CPEB1: variants seen among roughly 807,000 people sequenced by gnomAD.
The protein encoded by CPEB1 is cytoplasmic polyadenylation element-binding protein 1.
CPEB1 carries 7 observed loss-of-function variants against 65.8 expected under a neutral mutation model. That is an observed-to-expected ratio of 0.11 (90% confidence interval 0.06 to 0.20). The LOEUF (loss-of-function observed/expected upper bound fraction) is 0.20. CPEB1 is among the 10% of genes least tolerant of loss of function. CPEB1 has a pLI of 1.00. For synonymous variants in CPEB1, 262 were observed against 260.0 expected (o/e 1.01, Z -0.08); for missense variants, 551 against 712.2 (o/e 0.77, Z 2.58).
chr15:82,596,145 G>A (rs575656766), intron 3 of CPEB1, among the ~76,000 whole-genome samples: 2 of 152,252 alleles, frequency 1.3e-5, no homozygotes, highest in East Asian at 3.9e-4. Flanking sequence ...AACAATCACA[G>A]AATCACAATG....
chr15:82,626,568 A>G (rs1386752927), intron 3 of CPEB1, among the ~76,000 whole-genome samples: 1 of 152,244 alleles, frequency 6.6e-6, no homozygotes, highest in Admixed American at 6.5e-5. Context: ...CACCTCTTGG[A>G]AAGAGTCAAC....
At chr15:82,643,905 G>C (rs1177320030) in intron 1 of CPEB1, among the ~76,000 whole-genome samples, 1 of 152,160 alleles carries the variant, frequency 6.6e-6, no homozygotes, top group Non-Finnish European at 1.5e-5. Context: ...GACAAGGTGA[G>C]ATTTAGTAAG....
At chr15:82,576,135 C>A (rs1429787428) in intron 3 of CPEB1, among the ~76,000 whole-genome samples, 2 of 151,786 alleles carry the variant, frequency 1.3e-5, no homozygotes, top group Non-Finnish European at 2.9e-5. Context: ...TATTATTCAG[C>A]AATAAAAAGG....
intron 2 of CPEB1, 170 bp downstream of exon 2, chr15:82,628,194 T>C (rs1313563570): frequency 1.4e-6 from 1 of 702,240 alleles, no homozygotes; most frequent in Non-Finnish European, 2.6e-6. Context: ...ATGCCCAAAA[T>C]AATAAATTCC....
intron 1 of CPEB1, among the ~76,000 whole-genome samples, chr15:82,639,043 C>T (rs1187856288): frequency 6.6e-6 from 1 of 152,162 alleles, no homozygotes; most frequent in Non-Finnish European, 1.5e-5. Flanking sequence ...TATAAAAATA[C>T]TTCTGACTTT....
At chr15:82,596,697 CAAAAA>C (rs59895391) in intron 3 of CPEB1, among the ~76,000 whole-genome samples, 3 of 89,084 alleles carry the variant, frequency 3.4e-5, no homozygotes, top group Admixed American at 2.4e-4. Flanking sequence ...GACTCTGTCT[CAAAAA>C]AAAAAAAAAA....
intron 1 of CPEB1, chr15:82,629,220 T>C: frequency 1.0e-6 from 1 of 975,708 alleles, no homozygotes; most frequent in South Asian, 4.7e-5. Flanking sequence ...GGAAAAAGGA[T>C]ACCAACTTTT....
intron 3 of CPEB1, chr15:82,573,118 G>A (rs894336545): frequency 7.2e-6 from 11 of 1,535,520 alleles, no homozygotes; most frequent in East Asian, 4.9e-5. Flanking sequence ...TGGCAGGGTC[G>A]AGAGAATAAT....
At chr15:82,632,705 TC>T (rs1323623233) in intron 1 of CPEB1, among the ~76,000 whole-genome samples, 2 of 151,468 alleles carry the variant, frequency 1.3e-5, no homozygotes, top group Non-Finnish European at 2.9e-5. Context: ...CTTTTTTTTT[TC>T]CCCTCAGAGA....
Position 82,543,496 on chromosome 15 carries a change from A to G in CPEB1, c.*1096T>C, listed in dbSNP as rs1308467629. ...AAAAAAAAAAAAAAGGAAAGAAAAA[A>G]AAGTCAAGTTTTCAAATTCCAGTGG... On this transcript the variant is annotated 3_prime_UTR_variant, in exon 13 of 13. Coordinates refer to ENST00000684509, the MANE Select transcript of CPEB1 (RefSeq NM_001365242.1). 2.0e-5 allele frequency: 3 copies of G among 146,908 alleles called. No homozygotes were observed. Among genetic ancestry groups the G allele is most frequent in the South Asian group, 2.3e-4 (1 of 4,408 alleles). 9.1% of individuals were successfully genotyped at this position (146,908 alleles called of 1,614,324 possible). A position where few individuals can be genotyped will look rare whatever the true frequency, so the allele number is the denominator to read the frequency against.
upstream of CPEB1, chr15:82,647,740 C>T: frequency 1.0e-6 from 1 of 965,312 alleles, no homozygotes. Flanking sequence ...GCCCGGGACT[C>T]GCCCGCACGG....
intron 3 of CPEB1, among the ~76,000 whole-genome samples, chr15:82,619,939 T>C (rs751106961): frequency 7.9e-5 from 12 of 152,132 alleles, no homozygotes; most frequent in Non-Finnish European, 1.2e-4. Context: ...GGGAAATTAA[T>C]TCACCAAAAG....
chr15:82,549,405 T>C (rs60207240), intron 10 of CPEB1, 55 bp downstream of exon 10: 11 of 1,588,168 alleles, frequency 6.9e-6, no homozygotes, highest in Non-Finnish European at 9.5e-6. Context: ...TATCACAATC[T>C]TGGTCTACTC....
At chr15:82,633,182 C>T (rs2046397594) in intron 1 of CPEB1, 1 of 151,994 alleles carries the variant, frequency 6.6e-6, no homozygotes, top group Non-Finnish European at 1.5e-5. Context: ...CTTAATACTA[C>T]CGAAAATCAG....
intron 4 of CPEB1, among the ~76,000 whole-genome samples, chr15:82,569,338 G>A (rs781685568): frequency 6.6e-6 from 1 of 152,162 alleles, no homozygotes; most frequent in Non-Finnish European, 1.5e-5. Context: ...AGGGATGGGT[G>A]TGTCCTCAAC....
At chr15:82,592,542 C>T (rs2042340466) in intron 3 of CPEB1, among the ~76,000 whole-genome samples, 1 of 148,086 alleles carries the variant, frequency 6.8e-6, no homozygotes, top group Admixed American at 6.7e-5. Flanking sequence ...TACACTACTG[C>T]ACTCCAGCCT....
intron 3 of CPEB1, among the ~76,000 whole-genome samples, chr15:82,600,776 A>C (rs1490614946): frequency 3.9e-5 from 6 of 151,976 alleles, no homozygotes; most frequent in African/African-American, 7.3e-5. Flanking sequence ...AACAAAGAAG[A>C]CTCAGTAAAG....
chr15:82,550,469 C>A (rs182755236), intron 9 of CPEB1, among the ~76,000 whole-genome samples: 1 of 152,324 alleles, frequency 6.6e-6, no homozygotes, highest in East Asian at 1.9e-4. Context: ...GATTCTTCAA[C>A]AGAAGAGTCT....
At chr15:82,553,772 G>A (rs2036701440) in intron 7 of CPEB1, 106 bp downstream of exon 7, 2 of 848,898 alleles carry the variant, frequency 2.4e-6, no homozygotes, top group East Asian at 2.5e-5. Flanking sequence ...GTAATACCCT[G>A]AGCTCAGGCA....
Sources: gnomAD v4.1 joint callset for allele counts (sites outside exome capture counted in the v4.1 genomes callset) on GRCh38, gnomAD v4.1.1 for gene constraint, MANE v1.5 for transcripts, NCBI Gene and HGNC (gene_info 2026-07-23, HGNC 2026-07-21) for gene names.